ITGA8: variants seen among roughly 807,000 people sequenced by gnomAD.
ITGA8 encodes the protein integrin subunit alpha 8.
Under a neutral mutation model 142.3 loss-of-function variants are expected in ITGA8, and 91 were observed. The observed-to-expected ratio is 0.64, with a 90% CI of 0.54 to 0.76. The LOEUF is 0.76. Ranked by LOEUF, ITGA8 falls within the 30% of genes least tolerant of loss-of-function variation. The pLI, the probability that ITGA8 is intolerant of heterozygous loss-of-function variation, is 0.00. For missense variants in ITGA8, 1,406 were observed against 1,327.7 expected (o/e 1.06, Z -0.92); for synonymous variants, 505 against 485.2 (o/e 1.04, Z -0.54).
chr10:15,527,889 A>C (rs1833206044), intron 28 of ITGA8, among the ~76,000 whole-genome samples: 1 of 133,366 alleles, frequency 7.5e-6, no homozygotes. Flanking sequence ...CCTTAAAGCA[A>C]TTCCCTTTCG....
intron 20 of ITGA8, among the ~76,000 whole-genome samples, chr10:15,603,350 T>C (rs1037252056): frequency 1.3e-5 from 2 of 152,222 alleles, no homozygotes; most frequent in Non-Finnish European, 2.9e-5. Flanking sequence ...ATTTGGAAAC[T>C]AGTAGACATT....
intron 10 of ITGA8, among the ~76,000 whole-genome samples, chr10:15,656,677 C>T (rs749492998): frequency 2.0e-5 from 3 of 152,156 alleles, no homozygotes; most frequent in Non-Finnish European, 4.4e-5. Flanking sequence ...CCCATTTTAT[C>T]GCTGCAGTTT....
chr10:15,548,533 A>G lies in ITGA8; in HGVS notation c.2802T>C (p.Cys934=), dbSNP rs1833723219. Residue 934 remains cysteine, a synonymous_variant, in exon 27 of 30, where the codon TGT becomes TGC. Coordinates refer to ENST00000378076, the MANE Select transcript of ITGA8 (RefSeq NM_003638.3). ...CTNIECLQIS[C]AVGRLEGGES... ...CTCCTCCTTCGAGTCGTCCCACTGC[A>G]CAGGAGATTTGTAAACACTCGATAT... 2.5e-6 allele frequency: 4 copies of G among 1,609,504 alleles called. No individual in the cohort carries two copies. The East Asian group carries it at 6.7e-5, about 27-fold the overall frequency.
intron 20 of ITGA8, 81 bp from the exon 21 acceptor site, chr10:15,597,380 C>T: frequency 1.8e-6 from 2 of 1,116,602 alleles, no homozygotes; most frequent in Non-Finnish European, 2.7e-6. Context: ...GGCCTGGGAG[C>T]TCCCCTGGAT....
chr10:15,678,672 A>T, intron 5 of ITGA8, 50 bp downstream of exon 5: 1 of 1,183,826 alleles, frequency 8.4e-7, no homozygotes, highest in Non-Finnish European at 1.2e-6. Context: ...GGCAGAGGGT[A>T]AAAAAAAATC....
chr10:15,688,003 G>T lies in ITGA8; in HGVS notation c.379C>A (p.Pro127Thr), dbSNP rs1017501946. 6.2e-7 allele frequency: 1 copy of T among 1,613,348 alleles called. No homozygotes were observed. The highest frequency in any genetic ancestry group is 1.1e-5 in the South Asian group (1 of 91,072). ...CACTGATTGGATTTGAACTCGATAG[G>T]TTCTTTGGTTCCATTAACTCTGATC... The part of the protein sequence containing the change: ...RKIRVNGTKE[P>T]IEFKSNQWFG... Residue 127 changes from proline to threonine, a missense_variant, in exon 3 of 30, where the codon CCT (proline) becomes ACT (threonine). Coordinates refer to ENST00000378076, the MANE Select transcript of ITGA8 (RefSeq NM_003638.3).
intron 2 of ITGA8, among the ~76,000 whole-genome samples, chr10:15,705,971 A>T (rs1835250854): frequency 6.6e-6 from 1 of 151,990 alleles, no homozygotes; most frequent in Non-Finnish European, 1.5e-5. Context: ...TCTTGGCCTC[A>T]CTTTGCCTCT....
At chr10:15,607,454 A>G (rs1833215456) in intron 17 of ITGA8, among the ~76,000 whole-genome samples, 2 of 152,234 alleles carry the variant, frequency 1.3e-5, no homozygotes, top group South Asian at 4.1e-4. Context: ...GATTTTGATC[A>G]AAATGAAAAG....
chr10:15,565,414 C>T (rs1235091272), intron 25 of ITGA8, among the ~76,000 whole-genome samples: 3 of 151,850 alleles, frequency 2.0e-5, no homozygotes, highest in Non-Finnish European at 4.4e-5. Flanking sequence ...TTATAGAAGA[C>T]AGCCGAGTAT....
At chr10:15,668,890 C>G (rs559730372) in intron 8 of ITGA8, among the ~76,000 whole-genome samples, 1 of 152,348 alleles carries the variant, frequency 6.6e-6, no homozygotes, top group Non-Finnish European at 1.5e-5. Context: ...GAGAGATTAG[C>G]TGTTAGTCTG....
At chr10:15,638,189 A>G (rs569135414) in intron 13 of ITGA8, among the ~76,000 whole-genome samples, 122 of 152,346 alleles carry the variant, frequency 8.0e-4, no homozygotes, top group African/African-American at 2.7e-3. Flanking sequence ...TTGACAATGA[A>G]TAAATATAAA....
rs557239850 is a variant in ITGA8, at chr10:15,632,132, T to G, written c.1399+11898A>C. ...TAAGGATTTATTACTTGTGAAAGGC[T>G]TTATCTGAGAACCTGATTCAAGCAT... On this transcript the variant is annotated intron_variant, in intron 13 of 29. Coordinates refer to ENST00000378076, the MANE Select transcript of ITGA8 (RefSeq NM_003638.3). Among the ~76,000 whole-genome samples, 29 of 152,028 alleles carry G rather than the reference T, an allele frequency of 1.9e-4. 1 individual carries two copies. The highest frequency in any genetic ancestry group is 1.2e-3 in the Admixed American group (18 of 15,288).
intron 28 of ITGA8, 112 bp downstream of exon 28, chr10:15,530,938 A>G: frequency 4.8e-6 from 3 of 627,524 alleles, no homozygotes; most frequent in South Asian, 2.5e-5. Flanking sequence ...GCTGAAGAGG[A>G]AAATTTTTCT....
rs189656892 is a variant in ITGA8, at chr10:15,525,159, C to T, written c.2983-5747G>A. On this transcript the variant is annotated intron_variant, in intron 28 of 29. Transcript: ENST00000378076. ...GAGTAGCTGGGACTACAGGGGTGTACCACCATGCCTGGTGGTTTGATTTGA... is the reference window on the plus strand; with the variant it reads ...GAGTAGCTGGGACTACAGGGGTGTATCACCATGCCTGGTGGTTTGATTTGA... Among the ~76,000 whole-genome samples the T allele has an allele frequency of 1.3e-4, 20 of 152,110 alleles. 1 individual carries two copies. In the East Asian group the frequency reaches 3.9e-3, roughly 30 times the overall value.
At chr10:15,558,883 A>C (rs1833928559) in intron 25 of ITGA8, among the ~76,000 whole-genome samples, 1 of 152,192 alleles carries the variant, frequency 6.6e-6, no homozygotes, top group Non-Finnish European at 1.5e-5. Context: ...AAATATTTTG[A>C]GAATTCCAAT....
At chr10:15,630,758 T>C (rs1322310885) in intron 13 of ITGA8, among the ~76,000 whole-genome samples, 2 of 151,854 alleles carry the variant, frequency 1.3e-5, no homozygotes, top group Non-Finnish European at 2.9e-5. Context: ...AGGGAAGAAA[T>C]AATATGAGGT....
intron 2 of ITGA8, among the ~76,000 whole-genome samples, chr10:15,716,472 T>C (rs1439315617): frequency 6.6e-6 from 1 of 152,178 alleles, no homozygotes; most frequent in African/African-American, 2.4e-5. Context: ...TATTTTTCTG[T>C]TTAATTGCCA....
At chr10:15,625,257 A>C (rs1343324787) in intron 13 of ITGA8, among the ~76,000 whole-genome samples, 1 of 152,242 alleles carries the variant, frequency 6.6e-6, no homozygotes, top group Non-Finnish European at 1.5e-5. Context: ...ACAAAAAATA[A>C]CAGCAGAATA....
intron 27 of ITGA8, among the ~76,000 whole-genome samples, chr10:15,541,961 GT>G (rs1408142238): frequency 6.6e-6 from 1 of 152,112 alleles, no homozygotes; most frequent in African/African-American, 2.4e-5. Flanking sequence ...TCGTTTTGCT[GT>G]CTTTGCTCAC....
Sources: allele counts gnomAD v4.1 joint callset (sites outside exome capture counted in the v4.1 genomes callset), GRCh38; gene constraint gnomAD v4.1.1; transcripts MANE v1.5; gene names NCBI Gene and HGNC (gene_info 2026-07-23, HGNC 2026-07-21).